The following AKR1C8 variants were observed in gnomAD, a reference collection of about 807,000 sequenced individuals.
The protein encoded by AKR1C8 is aldo-keto reductase family 1 member C8, also known as aldo-keto reductase family 1 member C-like protein 1.
chr10:5,142,208 T>TC, the AKR1C8 span, among the ~76,000 whole-genome samples: 1 of 152,170 alleles, frequency 6.6e-6, no homozygotes, highest in South Asian at 2.1e-4. Context: ...CTATGAGCCT[T>TC]CATACACTTG....
At chr10:5,152,351 C>T in the AKR1C8 span, among the ~76,000 whole-genome samples, 1 of 152,152 alleles carries the variant, frequency 6.6e-6, no homozygotes. Flanking sequence ...TTTGCTGTTA[C>T]CGCCAAAAAT....
At chr10:5,167,509 T>C in the AKR1C8 span, among the ~76,000 whole-genome samples, 1,263 of 152,270 alleles carry the variant, frequency 8.3e-3, 14 homozygotes, top group African/African-American at 0.029. Context: ...CTGGAAACTA[T>C]CATTCTCAGC....
the AKR1C8 span, among the ~76,000 whole-genome samples, chr10:5,138,633 G>A: frequency 6.6e-6 from 1 of 152,246 alleles, no homozygotes; most frequent in South Asian, 2.1e-4. Flanking sequence ...GTAAAGACAG[G>A]CATAAGAAAT....
At chr10:5,184,593 C>G in the AKR1C8 span, among the ~76,000 whole-genome samples, 1 of 152,082 alleles carries the variant, frequency 6.6e-6, no homozygotes, top group African/African-American at 2.4e-5. Flanking sequence ...TAGAGTGGCT[C>G]TGACCAGAGC....
the AKR1C8 span, among the ~76,000 whole-genome samples, chr10:5,179,350 C>T: frequency 1.6e-4 from 24 of 152,318 alleles, no homozygotes; most frequent in African/African-American, 3.8e-4. Flanking sequence ...GAGAGATCTG[C>T]GTTAGTCTGA....
chr10:5,144,425 C>T, the AKR1C8 span, among the ~76,000 whole-genome samples: 6 of 151,966 alleles, frequency 3.9e-5, no homozygotes, highest in Non-Finnish European at 8.8e-5. Context: ...GCATTGGTAG[C>T]TTGATGGGGA....
At chr10:5,176,276 T>C in the AKR1C8 span, among the ~76,000 whole-genome samples, 1 of 119,060 alleles carries the variant, frequency 8.4e-6, no homozygotes, top group South Asian at 2.4e-4. Context: ...TTGTCAAAGA[T>C]CCGATAGTTG....
the AKR1C8 span, among the ~76,000 whole-genome samples, chr10:5,124,929 C>T: frequency 2.6e-5 from 4 of 151,876 alleles, no homozygotes; most frequent in African/African-American, 9.7e-5. Flanking sequence ...AATGTTTAAC[C>T]TCGATGACAT....
chr10:5,176,564 T>G, the AKR1C8 span, among the ~76,000 whole-genome samples: 12,564 of 150,318 alleles, frequency 0.084, 617 homozygotes, highest in East Asian at 0.13. Flanking sequence ...TAAATTACCT[T>G]GGGCAGTATG....
At chr10:5,116,200 G>T in the AKR1C8 span, among the ~76,000 whole-genome samples, 1 of 152,034 alleles carries the variant, frequency 6.6e-6, no homozygotes, top group Non-Finnish European at 1.5e-5. Flanking sequence ...GATAGCCCGG[G>T]TCAATCACCC....
the AKR1C8 span, among the ~76,000 whole-genome samples, chr10:5,135,596 A>C: frequency 1.2e-4 from 18 of 152,178 alleles, no homozygotes; most frequent in Admixed American, 7.2e-4. Context: ...TCATCTGTCT[A>C]TCTCATAAAT....
At chr10:5,132,919 G>C in the AKR1C8 span, 1 of 317,516 alleles carries the variant, frequency 3.1e-6, no homozygotes. Context: ...ATTTGCTTTA[G>C]TCTTTCCTGC....
At chr10:5,146,240 C>T in the AKR1C8 span, among the ~76,000 whole-genome samples, 1 of 150,986 alleles carries the variant, frequency 6.6e-6, no homozygotes, top group African/African-American at 2.4e-5. Context: ...GGGAGATATA[C>T]CGAATGCTAG....
At chr10:5,167,109 G>A in the AKR1C8 span, among the ~76,000 whole-genome samples, 15 of 151,758 alleles carry the variant, frequency 9.9e-5, no homozygotes, top group South Asian at 6.2e-4. Context: ...AGTTAGAATG[G>A]TGATCATTAA....
chr10:5,129,695 A>C, the AKR1C8 span, among the ~76,000 whole-genome samples: 1 of 152,094 alleles, frequency 6.6e-6, no homozygotes, highest in African/African-American at 2.4e-5. Flanking sequence ...TCCTAGAAAC[A>C]TACAACCTTC....
chr10:5,128,920 T>C, the AKR1C8 span, among the ~76,000 whole-genome samples: 24 of 151,974 alleles, frequency 1.6e-4, no homozygotes, highest in African/African-American at 5.3e-4. Flanking sequence ...TAACATACTA[T>C]AGAAAAAAAT....
At chr10:5,116,054 G>A in the AKR1C8 span, among the ~76,000 whole-genome samples, 2 of 152,046 alleles carry the variant, frequency 1.3e-5, no homozygotes, top group Non-Finnish European at 2.9e-5. Flanking sequence ...AAGGATCTGG[G>A]TCACTTGTAG....
At chr10:5,176,701 G>T in the AKR1C8 span, among the ~76,000 whole-genome samples, 1 of 152,134 alleles carries the variant, frequency 6.6e-6, no homozygotes, top group Non-Finnish European at 1.5e-5. Flanking sequence ...CACATCCCTT[G>T]TAAGTTGGAT....
the AKR1C8 span, among the ~76,000 whole-genome samples, chr10:5,168,108 G>C: frequency 3.9e-5 from 6 of 152,074 alleles, no homozygotes; most frequent in Non-Finnish European, 7.4e-5. Context: ...CCTGAGAAAA[G>C]TGTTAATTTT....
Sources: gnomAD v4.1 joint callset for allele counts (sites outside exome capture counted in the v4.1 genomes callset) on GRCh38, gnomAD v4.1.1 for gene constraint, MANE v1.5 for transcripts, NCBI Gene and HGNC (gene_info 2026-07-23, HGNC 2026-07-21) for gene names.